The following GNPTAB variants were observed in gnomAD, a reference collection of about 807,000 sequenced individuals.
GNPTAB encodes N-acetylglucosamine-1-phosphate transferase subunits alpha and beta, also known as N-acetylglucosamine-1-phosphotransferase subunits alpha/beta.
Under a neutral mutation model 136.6 loss-of-function variants are expected in GNPTAB, and 92 were observed. That is an observed-to-expected ratio of 0.67 (90% CI 0.57 to 0.80). The LOEUF (loss-of-function observed/expected upper bound fraction) is 0.80. Among genes scored for constraint, GNPTAB ranks in the 30% least tolerant of loss-of-function variants. The pLI is 0.00. For missense variants in GNPTAB, 1,343 were observed against 1,501.8 expected, an observed-to-expected ratio of 0.89 and a Z score of 1.75; for synonymous variants, 512 against 535.1, an observed-to-expected ratio of 0.96 and a Z score of 0.60.
intron 13 of GNPTAB, among the ~76,000 whole-genome samples, chr12:101,763,050 G>A (rs975682003): frequency 4.0e-5 from 6 of 151,616 alleles, no homozygotes; most frequent in Non-Finnish European, 7.4e-5. Context: ...GTGAAACCCC[G>A]TCTCCACTAA....
In GNPTAB at chr12:101,787,657, G is replaced by A. The variant is rs369699843; in HGVS notation, c.365+891C>T. ...AGGCCGGATGCGGTGACTCACGCCT[G>A]TAATCCAGTACTTTGGGAGGCCGAG... On this transcript the variant is annotated intron_variant, in intron 4 of 20. Transcript: ENST00000299314. Among the ~76,000 whole-genome samples, 7 of 152,224 alleles carry A rather than the reference G, an allele frequency of 4.6e-5. No individual in the cohort carries two copies. The South Asian group carries it at 1.5e-3, about 32-fold the overall frequency.
chr12:101,777,095 G>T (rs1020314175), intron 7 of GNPTAB, among the ~76,000 whole-genome samples: 1 of 152,228 alleles, frequency 6.6e-6, no homozygotes, highest in African/African-American at 2.4e-5. Flanking sequence ...TCACCAGAAA[G>T]GTCCACCTCC....
intron 1 of GNPTAB, among the ~76,000 whole-genome samples, chr12:101,805,481 G>A (rs927607360): frequency 1.5e-4 from 23 of 152,304 alleles, no homozygotes; most frequent in African/African-American, 5.3e-4. Context: ...TTGATGTACT[G>A]AGCCTAGGGC....
chr12:101,761,803 A>AGTACACTT, intron 13 of GNPTAB, 40 bp from the exon 14 acceptor site: 1 of 1,377,442 alleles, frequency 7.3e-7, no homozygotes, highest in Non-Finnish European at 1.0e-6. Context: ...CATTATGTTT[A>AGTACACTT]GTGCACAAGT....
chr12:101,754,013 G>A (rs1474428840), intron 18 of GNPTAB, among the ~76,000 whole-genome samples: 1 of 152,152 alleles, frequency 6.6e-6, no homozygotes, highest in Non-Finnish European at 1.5e-5. Context: ...GCCAGATGTG[G>A]TGGCACGTGC....
At chr12:101,800,264 C>T (rs1419471067) in intron 1 of GNPTAB, among the ~76,000 whole-genome samples, 4 of 151,916 alleles carry the variant, frequency 2.6e-5, no homozygotes, top group Admixed American at 6.6e-5. Flanking sequence ...TTGGGAGGAT[C>T]GCCTGAGCCC....
At chr12:101,771,996 C>G (rs1037311406) in intron 7 of GNPTAB, among the ~76,000 whole-genome samples, 5 of 152,360 alleles carry the variant, frequency 3.3e-5, no homozygotes, top group Admixed American at 6.5e-5. Flanking sequence ...GGAGGAGCAC[C>G]TTCGGCAGGA....
At chr12:101,751,517 A>G (rs1952819127) in intron 19 of GNPTAB, among the ~76,000 whole-genome samples, 1 of 152,256 alleles carries the variant, frequency 6.6e-6, no homozygotes. Flanking sequence ...AATTATCTTT[A>G]TAATTAAATG....
At chr12:101,796,203 G>T (rs1056910747) in intron 2 of GNPTAB, 1 of 702,106 alleles carries the variant, frequency 1.4e-6, no homozygotes, top group South Asian at 1.5e-5. Context: ...AAACCGCTGT[G>T]TAGTAGCCAC....
At chr12:101,825,288 A>G (rs1871032126) in intron 1 of GNPTAB, among the ~76,000 whole-genome samples, 1 of 152,228 alleles carries the variant, frequency 6.6e-6, no homozygotes, top group Non-Finnish European at 1.5e-5. Context: ...TCCACTGTAC[A>G]GTCTAACAAC....
chr12:101,792,154 A>T (rs1307641021), intron 2 of GNPTAB, among the ~76,000 whole-genome samples: 1 of 152,224 alleles, frequency 6.6e-6, no homozygotes, highest in Non-Finnish European at 1.5e-5. Context: ...GTGACATTTC[A>T]GCAAAGATAT....
intron 3 of GNPTAB, among the ~76,000 whole-genome samples, chr12:101,789,485 C>CTTTTCT (rs1868857005): frequency 6.6e-6 from 1 of 151,980 alleles, no homozygotes; most frequent in South Asian, 2.1e-4. Context: ...GTTTTGTTCT[C>CTTTTCT]TTTTCTTTTT....
intron 10 of GNPTAB, among the ~76,000 whole-genome samples, chr12:101,769,605 T>C (rs1187617958): frequency 1.3e-5 from 2 of 152,132 alleles, no homozygotes; most frequent in Admixed American, 6.5e-5. Context: ...TATATTTTTT[T>C]ATTTTTCAAG....
At chr12:101,775,941 C>T (rs891992867) in intron 7 of GNPTAB, among the ~76,000 whole-genome samples, 1 of 152,190 alleles carries the variant, frequency 6.6e-6, no homozygotes, top group Non-Finnish European at 1.5e-5. Flanking sequence ...CACAAACCAC[C>T]TGTTCAGTCT....
chr12:101,775,918 C>T (rs984234347), intron 7 of GNPTAB, among the ~76,000 whole-genome samples: 2 of 152,106 alleles, frequency 1.3e-5, no homozygotes, highest in African/African-American at 4.8e-5. Flanking sequence ...ATATGCTGTT[C>T]CCATCCTGCC....
chr12:101,754,739 T>TA (rs11321534), intron 18 of GNPTAB, among the ~76,000 whole-genome samples: 105 of 146,576 alleles, frequency 7.2e-4, no homozygotes, highest in Middle Eastern at 3.5e-3. Flanking sequence ...TCGCCAAAAT[T>TA]AAAAAAAAAA....
rs899133447 is a variant in GNPTAB, at chr12:101,756,255, T to C, written c.3434+957A>G. The stretch of plus-strand genomic sequence containing the variant: ...TTTTTATTTTTTTTGAAAATTCCAA[T>C]TTCTTTCTCCTCCAAACGAGAACAG... On this transcript the variant is annotated intron_variant, in intron 18 of 20. Coordinates refer to ENST00000299314, the MANE Select transcript of GNPTAB (RefSeq NM_024312.5). 1.9e-5 allele frequency: 3 copies of C among 156,316 alleles called. No individual in the cohort carries two copies. In the South Asian group the frequency reaches 5.3e-4, roughly 28 times the overall value. 9.7% of individuals were successfully genotyped at this position (156,316 alleles called of 1,614,324 possible). A position where few individuals can be genotyped will look rare whatever the true frequency, so the allele number is the denominator to read the frequency against.
rs1230332945 is a variant in GNPTAB at position 101,824,331 on chromosome 12, G to C, written c.117+6228C>G. On this transcript the variant is annotated intron_variant, in intron 1 of 20. Coordinates refer to ENST00000299314, the MANE Select transcript of GNPTAB (RefSeq NM_024312.5). ...AAACTAAAGAGGGGAAGGCAGAGGTGAGAAACAGGGACAAAAAGAGATTCC... is the reference window on the plus strand; with the variant it reads ...AAACTAAAGAGGGGAAGGCAGAGGTCAGAAACAGGGACAAAAAGAGATTCC... Among the ~76,000 whole-genome samples, 5 of 145,842 alleles carry C rather than the reference G, an allele frequency of 3.4e-5. No individual in the cohort carries two copies. The Admixed American group carries it at 3.6e-4, about 10-fold the overall frequency.
chr12:101,827,592 A>G, intron 1 of GNPTAB, among the ~76,000 whole-genome samples: 1 of 152,180 alleles, frequency 6.6e-6, no homozygotes. Context: ...GGATGAATAT[A>G]GAAAAGGCTT....
Sources: gnomAD v4.1 joint callset for allele counts (sites outside exome capture counted in the v4.1 genomes callset) on GRCh38, gnomAD v4.1.1 for gene constraint, MANE v1.5 for transcripts, NCBI Gene and HGNC (gene_info 2026-07-23, HGNC 2026-07-21) for gene names.